Variants in SLC44A5 observed in about 807,000 individuals in gnomAD.
The protein encoded by SLC44A5 is solute carrier family 44 member 5.
SLC44A5 carries 57 observed loss-of-function variants against 101.8 expected under a neutral mutation model. The observed-to-expected ratio is 0.56, with a 90% CI of 0.45 to 0.70. The LOEUF (loss-of-function observed/expected upper bound fraction) is 0.70. SLC44A5 is among the 30% of genes least tolerant of loss of function. The probability of loss-of-function intolerance (pLI) is 0.00; values close to 1 mark genes in which losing one functional copy is unlikely to be tolerated. For synonymous variants in SLC44A5, 281 were observed against 290.9 expected, an observed-to-expected ratio of 0.97 and a Z score of 0.35; for missense variants, 737 against 853.1, an observed-to-expected ratio of 0.86 and a Z score of 1.70.
chr1:75,655,976 G>A, the SLC44A5 span, among the ~76,000 whole-genome samples: 2,387 of 152,060 alleles, frequency 0.016, 74 homozygotes, highest in African/African-American at 0.053. Flanking sequence ...AAGCTCCAAA[G>A]GTCAAAATTA....
At chr1:75,325,283 T>C (rs1177994879) in intron 4 of SLC44A5, among the ~76,000 whole-genome samples, 1 of 152,106 alleles carries the variant, frequency 6.6e-6, no homozygotes, top group Non-Finnish European at 1.5e-5. Flanking sequence ...ACAATAAAAT[T>C]TTAAGAATCT....
At chr1:75,497,728 T>C (rs1291039536) in intron 2 of SLC44A5, among the ~76,000 whole-genome samples, 4 of 152,168 alleles carry the variant, frequency 2.6e-5, no homozygotes, top group Admixed American at 6.5e-5. Flanking sequence ...TTTGTATATG[T>C]ATATCAAAAC....
chr1:75,614,979 C>T (rs1237526163), upstream of SLC44A5, among the ~76,000 whole-genome samples: 1 of 152,100 alleles, frequency 6.6e-6, no homozygotes, highest in Admixed American at 6.5e-5. Flanking sequence ...CTTGCACCTG[C>T]TCCCCGCGCG....
chr1:75,392,866 G>T (rs1557737298), intron 3 of SLC44A5, among the ~76,000 whole-genome samples: 1 of 152,194 alleles, frequency 6.6e-6, no homozygotes, highest in South Asian at 2.1e-4. Flanking sequence ...ATGGATGTAG[G>T]TGGAGGCCAT....
At chr1:75,713,107 T>C in the SLC44A5 span, among the ~76,000 whole-genome samples, 1 of 152,228 alleles carries the variant, frequency 6.6e-6, no homozygotes, top group African/African-American at 2.4e-5. Flanking sequence ...CCATTAACTT[T>C]TCAAACTCAC....
At chr1:75,541,585 T>C (rs1671358014) in intron 1 of SLC44A5, 69 bp from the exon 2 acceptor site, 11 of 988,402 alleles carry the variant, frequency 1.1e-5, no homozygotes, top group Non-Finnish European at 7.4e-6. Context: ...CAACTAACCT[T>C]TTGGGAATGC....
At chr1:75,428,705 T>C (rs1664448694) in intron 2 of SLC44A5, among the ~76,000 whole-genome samples, 1 of 152,208 alleles carries the variant, frequency 6.6e-6, no homozygotes, top group African/African-American at 2.4e-5. Flanking sequence ...AGGATACACA[T>C]ACCACCTGTG....
the SLC44A5 span, among the ~76,000 whole-genome samples, chr1:75,695,790 T>C: frequency 6.7e-6 from 1 of 148,312 alleles, no homozygotes; most frequent in South Asian, 2.1e-4. Flanking sequence ...TTCATGATAC[T>C]ATGTATACTG....
intron 3 of SLC44A5, among the ~76,000 whole-genome samples, chr1:75,364,713 C>T (rs191050414): frequency 3.9e-5 from 6 of 152,230 alleles, no homozygotes; most frequent in Admixed American, 2.0e-4. Flanking sequence ...ACACCTACTA[C>T]GCAAAGTTTA....
rs148695484 is a variant in SLC44A5, at chr1:75,420,387, AAAG to A, written c.14-23769_14-23767del. 2.0e-5 allele frequency among the ~76,000 whole-genome samples: 3 copies of A among 152,328 alleles called. No individual in the cohort carries two copies. In the East Asian group the frequency reaches 5.8e-4, roughly 29 times the overall value. ...ATGCTCATTCAAAAAGAAGGAAAGA[AAAG>A]AGGAACAAAGGAACGCAGAACAGAT... On this transcript the variant is annotated intron_variant, in intron 2 of 23. Coordinates refer to ENST00000370859, the MANE Select transcript of SLC44A5 (RefSeq NM_001130058.2).
the SLC44A5 span, among the ~76,000 whole-genome samples, chr1:75,683,703 G>C: frequency 1.3e-5 from 2 of 151,730 alleles, no homozygotes; most frequent in African/African-American, 4.8e-5. Context: ...ACATGTATAC[G>C]TATGTAACTA....
At chr1:75,317,177 A>G (rs998003904) in intron 4 of SLC44A5, among the ~76,000 whole-genome samples, 1 of 152,218 alleles carries the variant, frequency 6.6e-6, no homozygotes, top group African/African-American at 2.4e-5. Context: ...TGATACCAGG[A>G]AAGTGTCATT....
At chr1:75,417,890 A>G (rs1474078914) in intron 2 of SLC44A5, among the ~76,000 whole-genome samples, 1 of 152,256 alleles carries the variant, frequency 6.6e-6, no homozygotes, top group Non-Finnish European at 1.5e-5. Context: ...TGCATTTCTC[A>G]AAATCAGCAA....
At chr1:75,344,691 C>G (rs1658120953) in intron 3 of SLC44A5, among the ~76,000 whole-genome samples, 1 of 152,158 alleles carries the variant, frequency 6.6e-6, no homozygotes, top group East Asian at 1.9e-4. Context: ...ACAGAAGCTT[C>G]TAGAACCTGG....
At chr1:75,533,893 G>A (rs211753) in intron 2 of SLC44A5, among the ~76,000 whole-genome samples, 141,084 of 152,218 alleles carry the variant, frequency 0.93, 66,288 homozygotes, top group East Asian at 1. Context: ...TCAAATTTTC[G>A]AAACGTCTTT....
intron 1 of SLC44A5, among the ~76,000 whole-genome samples, chr1:75,561,230 A>C (rs114555261): frequency 3.9e-5 from 6 of 152,152 alleles, no homozygotes; most frequent in African/African-American, 7.2e-5. Context: ...TTATACATGG[A>C]GTCTCCCAGT....
chr1:75,692,199 T>C, the SLC44A5 span, among the ~76,000 whole-genome samples: 1 of 138,846 alleles, frequency 7.2e-6, no homozygotes, highest in South Asian at 2.3e-4. Context: ...TTTTTTTTTT[T>C]TTTTTTTTTT....
chr1:75,218,592 T>C lies in SLC44A5; in HGVS notation c.1427A>G (p.Gln476Arg), dbSNP rs1347899866. Residue 476 changes from glutamine to arginine, a missense_variant, in exon 17 of 24, where the codon CAG becomes CGG. By Grantham distance (43) the Gln-to-Arg change is conservative (BLOSUM62 1). This residue lies in a region of SLC44A5 where 665 missense variants were observed against 764.4 expected (regional missense o/e 0.87). Coordinates refer to ENST00000370859, the MANE Select transcript of SLC44A5 (RefSeq NM_001130058.2). ...AGCGAATGCACCAGCAAGGGCGCAC[T>C]GACCTAATGCAATGACGAAGTTTAT... ...WLINFVIALG[Q>R]CALAGAFATY... 2 of 1,613,906 alleles carry C rather than the reference T, an allele frequency of 1.2e-6. No individual in the cohort carries two copies. The highest frequency in any genetic ancestry group is 1.7e-6 in the Non-Finnish European group (2 of 1,179,826).
At chr1:75,269,466 G>C (rs1651275224) in intron 6 of SLC44A5, among the ~76,000 whole-genome samples, 1 of 151,594 alleles carries the variant, frequency 6.6e-6, no homozygotes, top group Non-Finnish European at 1.5e-5. Context: ...CTTTAGAAAA[G>C]TTTTCTTAAC....
Sources: allele counts gnomAD v4.1 joint callset (sites outside exome capture counted in the v4.1 genomes callset), GRCh38; gene constraint gnomAD v4.1.1; regional missense constraint gnomAD v4.1.1; transcripts MANE v1.5; gene names NCBI Gene and HGNC (gene_info 2026-07-23, HGNC 2026-07-21).